CRLF3: variants seen among roughly 807,000 people sequenced by gnomAD.
The protein encoded by CRLF3 is cytokine receptor-like factor 3.
CRLF3 carries 33 observed loss-of-function variants against 55.0 expected under a neutral mutation model. That is an observed-to-expected ratio of 0.60 (90% CI 0.46 to 0.80). The LOEUF (loss-of-function observed/expected upper bound fraction) is 0.80, where lower values mean the gene tolerates loss of function less well. Ranked by LOEUF, CRLF3 falls within the 30% of genes least tolerant of loss-of-function variation. The probability of loss-of-function intolerance (pLI) is 0.00; values close to 1 mark genes in which losing one functional copy is unlikely to be tolerated. For missense variants in CRLF3, 494 were observed against 538.4 expected (o/e 0.92, Z 0.82); for synonymous variants, 238 against 196.8 (o/e 1.21, Z -1.75).
At chr17:30,800,547 T>C (rs992094023) in intron 2 of CRLF3, among the ~76,000 whole-genome samples, 5 of 151,866 alleles carry the variant, frequency 3.3e-5, no homozygotes, top group African/African-American at 1.2e-4. Flanking sequence ...ATCACATATG[T>C]AGGTAATCAT....
chr17:30,812,215 A>G, intron 1 of CRLF3, among the ~76,000 whole-genome samples: 1 of 152,242 alleles, frequency 6.6e-6, no homozygotes, highest in African/African-American at 2.4e-5. Context: ...TGTGAAATGT[A>G]TATTACATTA....
At chr17:30,824,365 C>A (rs1905079398) in intron 1 of CRLF3, among the ~76,000 whole-genome samples, 158 bp downstream of exon 1, 1 of 150,786 alleles carries the variant, frequency 6.6e-6, no homozygotes, top group African/African-American at 2.4e-5. Context: ...CTCCCACCTT[C>A]CCCGTTCCCA....
At chr17:30,803,203 T>TGTAA (rs1478597047) in intron 2 of CRLF3, among the ~76,000 whole-genome samples, 1 of 151,894 alleles carries the variant, frequency 6.6e-6, no homozygotes, top group Non-Finnish European at 1.5e-5. Context: ...TTTGATTGAC[T>TGTAA]GTAACACAGA....
chr17:30,822,054 AC>A (rs1313960822), intron 1 of CRLF3, among the ~76,000 whole-genome samples: 2 of 91,484 alleles, frequency 2.2e-5, no homozygotes, highest in African/African-American at 9.5e-5. Flanking sequence ...CCCTGTCCGC[AC>A]CCCCGCCAAA....
chr17:30,820,664 C>T (rs1186053054), intron 1 of CRLF3, among the ~76,000 whole-genome samples: 6 of 151,842 alleles, frequency 4.0e-5, no homozygotes, highest in East Asian at 1.9e-4. Flanking sequence ...TGGTGGCAGA[C>T]GCCTGTAATC....
Position 30,785,949 on chromosome 17 carries a change from G to A in CRLF3, c.1042C>T (p.Arg348Trp). Residue 348 changes from arginine to tryptophan, a missense_variant, in exon 7 of 8, where the codon CGG (arginine) becomes TGG (tryptophan). By Grantham distance (101) the Arg-to-Trp change is moderately radical (BLOSUM62 -3). Transcript: ENST00000324238. ...EKQDGYDSLQ[R>W]DQAVCISTNG... The stretch of plus-strand genomic sequence containing the variant: ...GTACTAATGCACACAGCTTGATCCC[G>A]CTGCAGAGAGTCATATCCATCCTGT... 3.1e-6 allele frequency: 5 copies of A among 1,607,722 alleles called. No homozygotes were observed. The highest frequency in any genetic ancestry group is 4.3e-6 in the Non-Finnish European group (5 of 1,174,458).
At chr17:30,813,731 C>A (rs1233132799) in intron 1 of CRLF3, among the ~76,000 whole-genome samples, 1 of 151,568 alleles carries the variant, frequency 6.6e-6, no homozygotes, top group Non-Finnish European at 1.5e-5. Context: ...TTAGGTATAT[C>A]TATCTCCTAA....
chr17:30,782,886 T>C lies in CRLF3; in HGVS notation c.*1301A>G, dbSNP rs1017753882. ...AATATCATACTTGCTTTTCTACTTT[T>C]TTACTATACTGGTAAAAATGAAATG... On this transcript the variant is annotated 3_prime_UTR_variant, in exon 8 of 8. Coordinates refer to ENST00000324238, the MANE Select transcript of CRLF3 (RefSeq NM_015986.4). 1 of 148,690 alleles carries C rather than the reference T, an allele frequency of 6.7e-6. No individual in the cohort carries two copies. The highest frequency in any genetic ancestry group is 2.5e-5 in the African/African-American group (1 of 40,348). The allele number at this position is 148,690 out of a possible 1,614,324, so 9.2% of individuals were successfully genotyped here.
chr17:30,803,382 A>G (rs536092685), intron 2 of CRLF3, among the ~76,000 whole-genome samples: 1 of 152,182 alleles, frequency 6.6e-6, no homozygotes, highest in Admixed American at 6.6e-5. Flanking sequence ...ACCTAACGGT[A>G]TATCTGTCAT....
Position 30,792,462 on chromosome 17 carries a change from A to G in CRLF3, c.937T>C (p.Cys313Arg). 1 of 1,611,914 alleles carries G rather than the reference A, an allele frequency of 6.2e-7. No homozygotes were observed. Among genetic ancestry groups the G allele is most frequent in the Non-Finnish European group, 8.5e-7 (1 of 1,178,132 alleles). Residue 313 changes from cysteine (C) to arginine (R), a missense_variant, in exon 6 of 8, where the codon TGT becomes CGT. Transcript: ENST00000324238. ...TGCCTGAATGTTAATGTCTGCCCAC[A>G]GAAATAAGTCGGAGCTCTGGAGTAG... ...VLYSRAPTYF[C>R]GQTLTFRVET...
At chr17:30,798,749 G>C (rs1971961102) in intron 2 of CRLF3, among the ~76,000 whole-genome samples, 1 of 151,440 alleles carries the variant, frequency 6.6e-6, no homozygotes. Context: ...TGAGGCACTA[G>C]AATCGCTTGA....
At chr17:30,811,636 T>C (rs1008797247) in intron 1 of CRLF3, among the ~76,000 whole-genome samples, 1 of 150,498 alleles carries the variant, frequency 6.6e-6, no homozygotes, top group Non-Finnish European at 1.5e-5. Context: ...ACCCCGTCTC[T>C]ACTAAAAATA....
chr17:30,802,663 T>C (rs970836198), intron 2 of CRLF3, among the ~76,000 whole-genome samples: 1 of 151,244 alleles, frequency 6.6e-6, no homozygotes, highest in Non-Finnish European at 1.5e-5. Flanking sequence ...CCTCAAGTGA[T>C]CCACTTGCTT....
At chr17:30,820,823 CAAA>C (rs1163338509) in intron 1 of CRLF3, among the ~76,000 whole-genome samples, 9 of 64,988 alleles carry the variant, frequency 1.4e-4, no homozygotes, top group East Asian at 9.9e-4. Flanking sequence ...GAGACTCTCT[CAAA>C]AAAAAAAAAA....
At chr17:30,808,454 A>G (rs1166355984) in intron 1 of CRLF3, among the ~76,000 whole-genome samples, 1 of 150,460 alleles carries the variant, frequency 6.6e-6, no homozygotes, top group Non-Finnish European at 1.5e-5. Context: ...TGCCTGGCTA[A>G]TTTTTGTATT....
At chr17:30,804,533 T>C (rs150078155) in intron 1 of CRLF3, among the ~76,000 whole-genome samples, 1 of 152,332 alleles carries the variant, frequency 6.6e-6, no homozygotes, top group East Asian at 1.9e-4. Context: ...TACTTTCTGC[T>C]TCTATGACTT....
At chr17:30,788,155 C>T (rs1971693066) in intron 6 of CRLF3, among the ~76,000 whole-genome samples, 1 of 151,272 alleles carries the variant, frequency 6.6e-6, no homozygotes, top group African/African-American at 2.4e-5. Context: ...GGTGAAACCC[C>T]GTCTCTACTA....
chr17:30,797,466 T>C (rs1279295334), intron 2 of CRLF3, 68 bp from the exon 3 acceptor site: 3 of 1,278,112 alleles, frequency 2.3e-6, no homozygotes, highest in East Asian at 2.3e-5. Context: ...ACACAACTCA[T>C]GTCTGGGTGG....
Position 30,782,782 on chromosome 17 carries a change from TTATA to T in CRLF3, c.*1401_*1404del, listed in dbSNP as rs780119243. ...CCCTAAACAAGTGGAAATCTACTAC[TTATA>T]TATAAAAAGACAAGTAGAAAAGGTC... On this transcript the variant is annotated 3_prime_UTR_variant, in exon 8 of 8. Coordinates refer to ENST00000324238, the MANE Select transcript of CRLF3 (RefSeq NM_015986.4). 1 of 152,162 alleles carries T rather than the reference TTATA, an allele frequency of 6.6e-6. No individual in the cohort carries two copies. The highest frequency in any genetic ancestry group is 2.4e-5 in the African/African-American group (1 of 41,430). 9.4% of individuals were successfully genotyped at this position (152,162 alleles called of 1,614,324 possible). A position where few individuals can be genotyped will look rare whatever the true frequency, so the allele number is the denominator to read the frequency against.
Sources: gnomAD v4.1 joint callset for allele counts (sites outside exome capture counted in the v4.1 genomes callset) on GRCh38, gnomAD v4.1.1 for gene constraint, MANE v1.5 for transcripts, NCBI Gene and HGNC (gene_info 2026-07-23, HGNC 2026-07-21) for gene names.